Variants in PLEKHH2 observed in about 807,000 individuals in gnomAD.
PLEKHH2 encodes the protein pleckstrin homology, MyTH4 and FERM domain containing H2, also known as pleckstrin homology domain-containing family H member 2.
A neutral mutation model predicts 187.9 loss-of-function variants in PLEKHH2; 129 were observed. The ratio of observed to expected loss-of-function variants is 0.69; its 90% CI spans 0.59 to 0.79. The LOEUF (loss-of-function observed/expected upper bound fraction) is 0.79. PLEKHH2 is among the 30% of genes least tolerant of loss of function. The pLI, the probability that PLEKHH2 is intolerant of heterozygous loss-of-function variation, is 0.00. For synonymous variants in PLEKHH2, 686 were observed against 605.6 expected (o/e 1.13, Z -1.95); for missense variants, 2,076 against 1,751.2 (o/e 1.19, Z -3.31).
intron 2 of PLEKHH2, among the ~76,000 whole-genome samples, chr2:43,648,249 C>A (rs1231169498): frequency 6.6e-6 from 1 of 151,976 alleles, no homozygotes; most frequent in African/African-American, 2.4e-5. Context: ...AGTGCAGTGG[C>A]GCCATCTCAG....
chr2:43,728,491 A>G (rs1354599729), intron 17 of PLEKHH2, among the ~76,000 whole-genome samples: 1 of 150,962 alleles, frequency 6.6e-6, no homozygotes, highest in Non-Finnish European at 1.5e-5. Context: ...AAAAAAAAAA[A>G]AAAAGAAAGA....
chr2:43,728,511 T>C (rs1233459770), intron 17 of PLEKHH2, among the ~76,000 whole-genome samples: 1 of 141,496 alleles, frequency 7.1e-6, no homozygotes, highest in Non-Finnish European at 1.5e-5. Context: ...AAAAAGAAAA[T>C]GTTAGTAAAT....
At chr2:43,757,658 A>T (rs1447358035) in intron 26 of PLEKHH2, among the ~76,000 whole-genome samples, 2 of 151,974 alleles carry the variant, frequency 1.3e-5, no homozygotes, top group Non-Finnish European at 2.9e-5. Context: ...GACCTCATGA[A>T]CTGCCTGTCT....
chr2:43,699,713 T>G lies in PLEKHH2; in HGVS notation c.755T>G (p.Leu252Trp). 1.9e-6 allele frequency: 3 copies of G among 1,614,196 alleles called. No homozygotes were observed. The highest frequency in any genetic ancestry group is 2.5e-6 in the Non-Finnish European group (3 of 1,180,026). ...VLENNRGQRT[L>W]HQTPCGSEQN... ...GAAAACAACAGAGGCCAGAGAACAT[T>G]GCATCAAACCCCTTGTGGCTCAGAA... The change falls in exon 8 of 30, where the codon TTG becomes TGG. Residue 252 changes from leucine (L) to tryptophan (W), a missense_variant. Transcript: ENST00000282406.
intron 28 of PLEKHH2, among the ~76,000 whole-genome samples, chr2:43,762,724 G>C (rs909908149): frequency 6.6e-6 from 1 of 152,092 alleles, no homozygotes; most frequent in East Asian, 1.9e-4. Flanking sequence ...AAATCATTAA[G>C]GTGGGAACTT....
chr2:43,645,510 C>A (rs1017951398), intron 2 of PLEKHH2, among the ~76,000 whole-genome samples: 5 of 152,040 alleles, frequency 3.3e-5, no homozygotes, highest in African/African-American at 1.2e-4. Context: ...AGCCACTAGC[C>A]ACATGTGGAT....
chr2:43,759,604 T>C (rs1672349322), intron 27 of PLEKHH2, among the ~76,000 whole-genome samples: 1 of 152,242 alleles, frequency 6.6e-6, no homozygotes, highest in Admixed American at 6.5e-5. Context: ...TTTGATTCCT[T>C]TTCTTTCTGT....
intron 27 of PLEKHH2, 110 bp downstream of exon 27, chr2:43,759,139 C>A: frequency 2.2e-6 from 3 of 1,387,676 alleles, no homozygotes; most frequent in Non-Finnish European, 1.9e-6. Flanking sequence ...AAGAAATATC[C>A]AATAATGTAA....
chr2:43,694,976 C>T (rs780262669), intron 5 of PLEKHH2, among the ~76,000 whole-genome samples, 167 bp from the exon 6 acceptor site: 26 of 151,932 alleles, frequency 1.7e-4, no homozygotes, highest in Non-Finnish European at 2.6e-4. Context: ...TTATCTAGGT[C>T]GATAGCCTAT....
rs535286814 is a variant in PLEKHH2 at position 43,711,173 on chromosome 2, C to CA, written c.2301+599dup. The CA allele has an allele frequency of 3.0e-5, 30 of 985,486 alleles. No individual in the cohort carries two copies. In the East Asian group the frequency reaches 2.3e-3, roughly 74 times the overall value. 61.0% of individuals were successfully genotyped at this position (985,486 alleles called of 1,614,324 possible). A position where few individuals can be genotyped will look rare whatever the true frequency, so the allele number is the denominator to read the frequency against. ...TATTCTAGTATATGTAATTTAAAGTCAGACACTTTATTTCTGAAATGTCTT... is the reference window on the plus strand; with the variant it reads ...TATTCTAGTATATGTAATTTAAAGTCAAGACACTTTATTTCTGAAATGTCTT... On this transcript the variant is annotated intron_variant, in intron 14 of 29. Transcript: ENST00000282406.
chr2:43,738,639 A>T lies in PLEKHH2; in HGVS notation c.3123+119A>T, dbSNP rs116242593. ...ATACAAAAAGTGCAGAAGGAAAAAT[A>T]GGTATTAATATTTTGATGTCTACCT... is the stretch of plus-strand genomic sequence containing the variant. On this transcript the variant is annotated intron_variant, in intron 20 of 29. Coordinates refer to ENST00000282406, the MANE Select transcript of PLEKHH2 (RefSeq NM_172069.4). The T allele has an allele frequency of 3.0e-3, 2,865 of 958,070 alleles. 67 individuals carry two copies. In the African/African-American group the frequency reaches 0.041, roughly 14 times the overall value. 59.3% of individuals were successfully genotyped at this position (958,070 alleles called of 1,614,324 possible).
chr2:43,678,139 A>G (rs1265240093), intron 2 of PLEKHH2, among the ~76,000 whole-genome samples: 2 of 148,870 alleles, frequency 1.3e-5, no homozygotes, highest in African/African-American at 2.5e-5. Context: ...CGCTCCCCAC[A>G]TCTCAGAAGA....
At chr2:43,700,733 A>G (rs1572580111) in intron 8 of PLEKHH2, 125 bp downstream of exon 8, 2 of 1,221,314 alleles carry the variant, frequency 1.6e-6, no homozygotes, top group Non-Finnish European at 2.3e-6. Flanking sequence ...GCTCACTGCA[A>G]CCTCCATCTC....
chr2:43,740,854 A>C lies in PLEKHH2; in HGVS notation c.3124-92A>C, dbSNP rs550602875. On this transcript the variant is annotated intron_variant, in intron 20 of 29. Coordinates refer to ENST00000282406, the MANE Select transcript of PLEKHH2 (RefSeq NM_172069.4). ...GAAAGAAGCAAAACGTTTTTGGGTT[A>C]AGAGAGACTGTCATCAGCCCATTGC... 3.7e-5 allele frequency: 56 copies of C among 1,519,344 alleles called. No homozygotes were observed. In the South Asian group the frequency reaches 7.4e-4, roughly 20 times the overall value. 94.1% of individuals were successfully genotyped at this position (1,519,344 alleles called of 1,614,324 possible). A position where few individuals can be genotyped will look rare whatever the true frequency, so the allele number is the denominator to read the frequency against.
intron 2 of PLEKHH2, among the ~76,000 whole-genome samples, chr2:43,649,447 A>G (rs1265677245): frequency 2.0e-5 from 3 of 152,262 alleles, no homozygotes; most frequent in Admixed American, 6.5e-5. Context: ...TGGCATTGCC[A>G]TCTGGAATTT....
chr2:43,750,509 T>A (rs1165449497), intron 24 of PLEKHH2, among the ~76,000 whole-genome samples: 2 of 151,464 alleles, frequency 1.3e-5, no homozygotes, highest in Non-Finnish European at 2.9e-5. Flanking sequence ...AGAGAGACTC[T>A]CATGATTCCA....
At chr2:43,690,025 G>C (rs1224001281) in intron 3 of PLEKHH2, among the ~76,000 whole-genome samples, 1 of 152,128 alleles carries the variant, frequency 6.6e-6, no homozygotes, top group East Asian at 1.9e-4. Context: ...AGTTACTTTT[G>C]TTTTTCTTGA....
chr2:43,645,757 T>A (rs1034636455), intron 2 of PLEKHH2, among the ~76,000 whole-genome samples: 1 of 152,156 alleles, frequency 6.6e-6, no homozygotes, highest in African/African-American at 2.4e-5. Context: ...AAATCACACC[T>A]GTGGCTCATA....
At chr2:43,669,896 G>A (rs190929931) in intron 2 of PLEKHH2, among the ~76,000 whole-genome samples, 1 of 152,130 alleles carries the variant, frequency 6.6e-6, no homozygotes, top group East Asian at 1.9e-4. Flanking sequence ...TAGTATTGAA[G>A]ATAAGTAAGG....
Sources: gnomAD v4.1 joint callset for allele counts (sites outside exome capture counted in the v4.1 genomes callset) on GRCh38, gnomAD v4.1.1 for gene constraint, MANE v1.5 for transcripts, NCBI Gene and HGNC (gene_info 2026-07-23, HGNC 2026-07-21) for gene names.